The following STAT2 variants were observed in gnomAD, a reference collection of about 807,000 sequenced individuals.
STAT2 encodes signal transducer and activator of transcription 2.
A neutral mutation model predicts 122.3 loss-of-function variants in STAT2; 51 were observed. The ratio of observed to expected loss-of-function variants is 0.42; its 90% confidence interval spans 0.33 to 0.53. The LOEUF is 0.53. Among genes scored for constraint, STAT2 ranks in the 20% least tolerant of loss-of-function variants. STAT2 has a pLI of 0.10. For missense variants in STAT2, 736 were observed against 1,010.3 expected (o/e 0.73, Z 3.68); for synonymous variants, 351 against 394.9 (o/e 0.89, Z 1.32).
In STAT2 at chr12:56,355,395, G is replaced by A. The variant is rs368915542; in HGVS notation, c.472-44C>T. 8 of 1,613,922 alleles carry A rather than the reference G, an allele frequency of 5.0e-6. No individual in the cohort carries two copies. The African/African-American group carries it at 9.3e-5, about 19-fold the overall frequency. On this transcript the variant is annotated intron_variant, in intron 5 of 23. Transcript: ENST00000314128. ...CCCGATGAGGCTGCTTCTCAGGGAGGTGTTAGGCTGAACGCTGTCAACCCT... is the reference window on the plus strand; with the variant it reads ...CCCGATGAGGCTGCTTCTCAGGGAGATGTTAGGCTGAACGCTGTCAACCCT...
chr12:56,346,062 G>A, intron 22 of STAT2, 84 bp downstream of exon 22: 3 of 1,609,794 alleles, frequency 1.9e-6, no homozygotes, highest in South Asian at 1.1e-5. Flanking sequence ...CTCCACCCAG[G>A]AGAAGGTAAT....
At chr12:56,355,019 G>T in intron 6 of STAT2, 156 bp from the exon 7 acceptor site, 1 of 793,180 alleles carries the variant, frequency 1.3e-6, no homozygotes, top group Non-Finnish European at 2.1e-6. Context: ...ATTCTGAATG[G>T]TCATGCTTGG....
chr12:56,345,518 A>ATATATATATATATATATAT lies in STAT2; in HGVS notation c.2102+627_2102+628insATATATATATATATATATA, dbSNP rs1302088781. ...CTCAAAAAAAAAAAAAAAAAAAAAA[A>ATATATATATATATATATAT]AAAAAAATATATATATATGCGGGGT... On this transcript the variant is annotated intron_variant, in intron 22 of 23. Coordinates refer to ENST00000314128, the MANE Select transcript of STAT2 (RefSeq NM_005419.4). Among the ~76,000 whole-genome samples, 3 of 25,432 alleles carry ATATATATATATATATATAT rather than the reference A, an allele frequency of 1.2e-4. No individual in the cohort carries two copies. In the African/African-American group the frequency reaches 1.6e-3, roughly 14 times the overall value. The allele number at this position is 25,432 out of a possible 152,430, so 16.7% of individuals were successfully genotyped here. A position where few individuals can be genotyped will look rare whatever the true frequency, so the allele number is the denominator to read the frequency against.
At chr12:56,350,669 G>A (rs1878322390) in intron 11 of STAT2, among the ~76,000 whole-genome samples, 160 bp downstream of exon 11, 1 of 152,196 alleles carries the variant, frequency 6.6e-6, no homozygotes, top group Admixed American at 6.5e-5. Context: ...CATGCTGCAT[G>A]TCACAAAGTA....
At position 56,346,885 on chromosome 12, in the gene STAT2, G is replaced by C. The variant is rs1321699926; in HGVS notation, c.1795C>G (p.Leu599Val). ...LLKKTMSGTF[L>V]LRFSESSEGG... ...TCTGACGATTCACTGAAGCGCAGTA[G>C]AAAGGTGCCAGACATGGTCTTCTTC... is the stretch of plus-strand genomic sequence containing the variant. The change falls in exon 20 of 24, where the codon CTA (leucine) becomes GTA (valine). Residue 599 changes from leucine (L) to valine (V), a missense_variant. Leu to Val is a conservative substitution (Grantham distance 32). Coordinates refer to ENST00000314128, the MANE Select transcript of STAT2 (RefSeq NM_005419.4). 5 of 1,614,238 alleles carry C rather than the reference G, an allele frequency of 3.1e-6. No homozygotes were observed. The highest frequency in any genetic ancestry group is 1.6e-4 in the Middle Eastern group (1 of 6,062).
At position 56,355,576 on chromosome 12, in the gene STAT2, T is replaced by C. The variant is rs760301919; in HGVS notation, c.382-44A>G. 10 of 1,610,110 alleles carry C rather than the reference T, an allele frequency of 6.2e-6. No homozygotes were observed. The East Asian group carries it at 1.8e-4, about 29-fold the overall frequency. On this transcript the variant is annotated intron_variant, in intron 4 of 23. Coordinates refer to ENST00000314128, the MANE Select transcript of STAT2 (RefSeq NM_005419.4). ...AGCACGTTTTAACTCTGGCCTTTCA[T>C]GCCTTAAGTTCAGGCCTGAAATTAT...
At chr12:56,346,343 T>C in intron 21 of STAT2, 99 bp downstream of exon 21, 1 of 1,562,072 alleles carries the variant, frequency 6.4e-7, no homozygotes, top group Non-Finnish European at 8.8e-7. Flanking sequence ...TTAATTCCTC[T>C]AGATATCAGT....
intron 7 of STAT2, 27 bp downstream of exon 7, chr12:56,354,749 GCC>G (rs1565658600): frequency 5.0e-6 from 8 of 1,613,674 alleles, no homozygotes; most frequent in Non-Finnish European, 6.8e-6. Flanking sequence ...GGTCCTTGTT[GCC>G]CACATGTTCT....
In STAT2 at chr12:56,343,511, T is replaced by A. The variant is rs1217921542; in HGVS notation, c.2434A>T (p.Ile812Phe). ...TCACCATTCGGCATGATTTCTTCAA[T>A]CTTTACACAGTTTCTGAAGACTAGG... ...PMEIFRNCVK[I>F]EEIMPNGDPL... Residue 812 changes from isoleucine to phenylalanine, a missense_variant, in exon 24 of 24, where the codon ATT (isoleucine) becomes TTT (phenylalanine). Ile to Phe is a conservative substitution (Grantham distance 21). Coordinates refer to ENST00000314128, the MANE Select transcript of STAT2 (RefSeq NM_005419.4). 6.2e-7 allele frequency: 1 copy of A among 1,614,084 alleles called. No homozygotes were observed. The highest frequency in any genetic ancestry group is 1.3e-5 in the African/African-American group (1 of 75,016).
At chr12:56,345,538 C>A (rs1352093361) in intron 22 of STAT2, among the ~76,000 whole-genome samples, 1 of 61,050 alleles carries the variant, frequency 1.6e-5, no homozygotes, top group Admixed American at 2.1e-4. Context: ...TATATATATG[C>A]GGGGTGTGGT....
chr12:56,346,533 G>A lies in STAT2; in HGVS notation c.1953C>T (p.Leu651=), dbSNP rs765177731. ...LTEIIRHYQL[L]TEENIPENPL... The stretch of plus-strand genomic sequence containing the variant: ...GGTTTTCAGGTATATTCTCCTCAGT[G>A]AGCAACTGGTAATGGCGGATGATTT... Residue 651 remains leucine, a synonymous_variant, in exon 21 of 24, where the codon CTC becomes CTT. Transcript: ENST00000314128. The A allele has an allele frequency of 2.5e-5, 41 of 1,614,202 alleles. No individual in the cohort carries two copies. The South Asian group carries it at 3.6e-4, about 14-fold the overall frequency.
Position 56,343,333 on chromosome 12 carries a change from T to A in STAT2, c.*56A>T. 1 of 1,578,078 alleles carries A rather than the reference T, an allele frequency of 6.3e-7. No individual in the cohort carries two copies. Among genetic ancestry groups the A allele is most frequent in the Admixed American group, 1.8e-5 (1 of 56,728 alleles). ...TTCCCATCCTTGGAGAACAATATCA[T>A]GCTATGAGGAGTAGGAAGGGCAAGA... is the stretch of plus-strand genomic sequence containing the variant. On this transcript the variant is annotated 3_prime_UTR_variant, in exon 24 of 24. Transcript: ENST00000314128.
chr12:56,343,229 C>G lies in STAT2; in HGVS notation c.*160G>C, dbSNP rs142551471. On this transcript the variant is annotated 3_prime_UTR_variant, in exon 24 of 24. Coordinates refer to ENST00000314128, the MANE Select transcript of STAT2 (RefSeq NM_005419.4). Reference sequence around the variant, plus strand: ...TTGTCCCCTCTGTACCCATGTTATGCTTTCACCTCTCACCCCAATGGAGTC... The same window carrying G: ...TTGTCCCCTCTGTACCCATGTTATGGTTTCACCTCTCACCCCAATGGAGTC... The G allele has an allele frequency of 2.1e-6, 2 of 948,308 alleles. No individual in the cohort carries two copies. Among genetic ancestry groups the G allele is most frequent in the Non-Finnish European group, 3.1e-6 (2 of 648,214 alleles). 58.7% of individuals were successfully genotyped at this position (948,308 alleles called of 1,614,324 possible).
Position 56,355,534 on chromosome 12 carries a change from T to C in STAT2, c.382-2A>G. ...TTCGAGAACTGGCTCTCCTTGTTCC[T>C]GAAAAAAGAGGCTCTGAGCACGTTT... is the stretch of plus-strand genomic sequence containing the variant. On this transcript the variant is annotated splice_acceptor_variant, in intron 4 of 23. Transcript: ENST00000314128. LOFTEE classifies it high-confidence loss of function. The C allele has an allele frequency of 6.2e-7, 1 of 1,614,140 alleles. No homozygotes were observed. The highest frequency in any genetic ancestry group is 1.1e-5 in the South Asian group (1 of 91,076).
chr12:56,349,847 G>A (rs1415829350), intron 13 of STAT2: 6 of 679,092 alleles, frequency 8.8e-6, no homozygotes, highest in South Asian at 1.8e-5. Context: ...TCAGGAGTTC[G>A]AGACCAGCCC....
chr12:56,353,974 C>T (rs1878965021), intron 8 of STAT2, among the ~76,000 whole-genome samples: 1 of 76,382 alleles, frequency 1.3e-5, no homozygotes, highest in Non-Finnish European at 2.5e-5. Context: ...CCAGCCTGGG[C>T]AACAGAGAGA....
chr12:56,350,488 G>A, intron 11 of STAT2, 56 bp from the exon 12 acceptor site: 1 of 1,529,636 alleles, frequency 6.5e-7, no homozygotes, highest in African/African-American at 1.4e-5. Context: ...GAAGTTAGGA[G>A]TTTCGTCTTT....
At chr12:56,355,110 G>T in intron 6 of STAT2, 166 bp downstream of exon 6, 1 of 810,130 alleles carries the variant, frequency 1.2e-6, no homozygotes, top group Non-Finnish European at 2.0e-6. Flanking sequence ...TGCACCTCCA[G>T]CTCAGCCTCC....
chr12:56,359,913 C>T (rs1880122238), intron 1 of STAT2, 145 bp downstream of exon 1: 1 of 373,458 alleles, frequency 2.7e-6, no homozygotes, highest in Non-Finnish European at 3.7e-6. Flanking sequence ...GATCGAGGAC[C>T]GAGCAGGCGA....
Sources: allele counts gnomAD v4.1 joint callset (sites outside exome capture counted in the v4.1 genomes callset), GRCh38; gene constraint gnomAD v4.1.1; transcripts MANE v1.5; gene names NCBI Gene and HGNC (gene_info 2026-07-23, HGNC 2026-07-21).